The following DLG2 variants were observed in gnomAD, a reference collection of about 807,000 sequenced individuals.
DLG2 encodes disks large homolog 2.
Under a neutral mutation model 132.5 loss-of-function variants are expected in DLG2, and 45 were observed. That is an observed-to-expected ratio of 0.34 (90% CI 0.27 to 0.44). The LOEUF is 0.44. Among genes scored for constraint, DLG2 ranks in the 20% least tolerant of loss-of-function variants. The pLI, the probability that DLG2 is intolerant of heterozygous loss-of-function variation, is 1.00. For synonymous variants in DLG2, 424 were observed against 419.6 expected, an observed-to-expected ratio of 1.01 and a Z score of -0.13; for missense variants, 1,045 against 1,196.9, an observed-to-expected ratio of 0.87 and a Z score of 1.87.
intron 20 of DLG2, among the ~76,000 whole-genome samples, chr11:83,537,852 A>G (rs1221954951): frequency 5.6e-5 from 8 of 143,180 alleles, no homozygotes; most frequent in African/African-American, 7.7e-5. Context: ...GAGAGATACC[A>G]TGGAACAAAA....
At chr11:85,263,423 C>T (rs949721899) in intron 4 of DLG2, among the ~76,000 whole-genome samples, 3 of 152,182 alleles carry the variant, frequency 2.0e-5, no homozygotes, top group Admixed American at 1.3e-4. Flanking sequence ...CCTGGTTGAG[C>T]TGCCACTGCC....
intron 16 of DLG2, among the ~76,000 whole-genome samples, chr11:83,841,828 C>T (rs2057597283): frequency 6.6e-6 from 1 of 152,098 alleles, no homozygotes; most frequent in Admixed American, 6.5e-5. Flanking sequence ...CTATGGAGTA[C>T]CTATGTTGTG....
At chr11:85,178,928 C>T (rs183866660) in intron 4 of DLG2, among the ~76,000 whole-genome samples, 14 of 151,732 alleles carry the variant, frequency 9.2e-5, no homozygotes, top group East Asian at 7.7e-4. Context: ...ATGAAGAGAA[C>T]GCTGAAAAAG....
At chr11:83,488,195 CT>C (rs961918057) in intron 21 of DLG2, among the ~76,000 whole-genome samples, 3 of 151,920 alleles carry the variant, frequency 2.0e-5, no homozygotes, top group African/African-American at 7.2e-5. Flanking sequence ...TAATTTTTAT[CT>C]TTAATTGAAT....
At chr11:85,186,626 G>A (rs1042212343) in intron 4 of DLG2, among the ~76,000 whole-genome samples, 2 of 152,070 alleles carry the variant, frequency 1.3e-5, no homozygotes, top group Non-Finnish European at 2.9e-5. Flanking sequence ...GCTATTTTAA[G>A]ACAGAACATA....
chr11:83,971,022 A>G (rs959522885), intron 12 of DLG2, among the ~76,000 whole-genome samples: 2 of 152,204 alleles, frequency 1.3e-5, no homozygotes, highest in Non-Finnish European at 2.9e-5. Flanking sequence ...TGAACTCTCA[A>G]GATAAAGGGC....
At chr11:84,138,105 T>C (rs962632104) in intron 9 of DLG2, among the ~76,000 whole-genome samples, 13 of 152,320 alleles carry the variant, frequency 8.5e-5, no homozygotes, top group Middle Eastern at 3.4e-3. Context: ...CAAGTCTCAG[T>C]TCAAATCTCA....
chr11:85,077,941 A>C (rs1359432767), intron 6 of DLG2, among the ~76,000 whole-genome samples: 2 of 132,450 alleles, frequency 1.5e-5, no homozygotes, highest in East Asian at 4.2e-4. Flanking sequence ...TGTAGAATCC[A>C]AGAAGCTGTA....
intron 21 of DLG2, among the ~76,000 whole-genome samples, chr11:83,506,836 C>T (rs1325946888): frequency 6.6e-6 from 1 of 152,194 alleles, no homozygotes; most frequent in African/African-American, 2.4e-5. Flanking sequence ...TAACCATAGA[C>T]ATCTGATGAG....
chr11:84,774,215 T>C (rs1195173455), intron 6 of DLG2, among the ~76,000 whole-genome samples: 1 of 151,850 alleles, frequency 6.6e-6, no homozygotes, highest in Non-Finnish European at 1.5e-5. Context: ...TACCTAGGAA[T>C]ACATTCAAGC....
At chr11:84,517,305 A>G (rs1007520815) in intron 7 of DLG2, among the ~76,000 whole-genome samples, 2 of 151,888 alleles carry the variant, frequency 1.3e-5, no homozygotes, top group Admixed American at 1.3e-4. Flanking sequence ...CTCAACGGAA[A>G]GAAAACCACC....
At chr11:84,771,038 G>C (rs1405827827) in intron 6 of DLG2, among the ~76,000 whole-genome samples, 3 of 152,132 alleles carry the variant, frequency 2.0e-5, no homozygotes, top group Non-Finnish European at 4.4e-5. Context: ...ATGGGCACCT[G>C]GGTTGATTCT....
chr11:83,664,440 T>A (rs554287139), intron 18 of DLG2, among the ~76,000 whole-genome samples: 2 of 151,710 alleles, frequency 1.3e-5, no homozygotes, highest in East Asian at 1.9e-4. Flanking sequence ...TTTTTTTTTT[T>A]AAATGGGAAC....
intron 19 of DLG2, among the ~76,000 whole-genome samples, chr11:83,590,083 G>A (rs1190925103): frequency 1.8e-5 from 2 of 112,624 alleles, no homozygotes; most frequent in South Asian, 3.1e-4. Flanking sequence ...ACAGATCAAC[G>A]AGACAGAAGT....
chr11:84,808,000 T>C (rs990949949), intron 6 of DLG2, among the ~76,000 whole-genome samples: 2 of 152,096 alleles, frequency 1.3e-5, no homozygotes, highest in Non-Finnish European at 2.9e-5. Context: ...CAGAATCCAA[T>C]TGACATTTAT....
rs754089296 is a variant in DLG2, at chr11:83,851,920, T to TA, written c.1566-18151dup. Among the ~76,000 whole-genome samples, 1,033 of 128,512 alleles carry TA rather than the reference T, an allele frequency of 8.0e-3. 6 individuals carry two copies. Among genetic ancestry groups the TA allele is most frequent in the African/African-American group, 0.018 (627 of 34,872 alleles). The allele number at this position is 128,512 out of a possible 152,430, so 84.3% of individuals were successfully genotyped here. On this transcript the variant is annotated intron_variant, in intron 16 of 27. Coordinates refer to ENST00000376104, the MANE Select transcript of DLG2 (RefSeq NM_001142699.3). Reference sequence around the variant, plus strand: ...GGTGACAGAGCGAGACTCCGTCTCTTAAAAAAAAAAAAAAAAAAGACAGCC... The same window carrying TA: ...GGTGACAGAGCGAGACTCCGTCTCTTAAAAAAAAAAAAAAAAAAAGACAGCC...
At chr11:85,341,878 G>A (rs2082528011) in intron 3 of DLG2, among the ~76,000 whole-genome samples, 1 of 152,136 alleles carries the variant, frequency 6.6e-6, no homozygotes, top group Admixed American at 6.5e-5. Flanking sequence ...ACTGAATACT[G>A]TAGGCAATTA....
intron 19 of DLG2, among the ~76,000 whole-genome samples, chr11:83,607,571 T>C (rs2059532557): frequency 6.6e-6 from 1 of 152,216 alleles, no homozygotes; most frequent in Non-Finnish European, 1.5e-5. Context: ...GGTTTAGCAA[T>C]TTATTTAAAG....
chr11:85,467,943 A>G (rs2092849855), intron 3 of DLG2, among the ~76,000 whole-genome samples: 1 of 152,046 alleles, frequency 6.6e-6, no homozygotes, highest in East Asian at 1.9e-4. Context: ...CTGGTCCTGG[A>G]CTTTTTTTGG....
Sources: gnomAD v4.1 joint callset for allele counts (sites outside exome capture counted in the v4.1 genomes callset) on GRCh38, gnomAD v4.1.1 for gene constraint, MANE v1.5 for transcripts, NCBI Gene and HGNC (gene_info 2026-07-23, HGNC 2026-07-21) for gene names.